The following GPHN variants were observed in gnomAD, a reference collection of about 807,000 sequenced individuals.
GPHN encodes the protein gephyrin.
Under a neutral mutation model 95.5 loss-of-function variants are expected in GPHN, and 17 were observed. That is an observed-to-expected ratio of 0.18 (90% confidence interval 0.12 to 0.27). The LOEUF (loss-of-function observed/expected upper bound fraction) is 0.27, where lower values mean the gene tolerates loss of function less well. GPHN is among the 10% of genes least tolerant of loss of function. The probability of loss-of-function intolerance (pLI) is 1.00; values close to 1 mark genes in which losing one functional copy is unlikely to be tolerated. For synonymous variants in GPHN, 320 were observed against 322.5 expected, an observed-to-expected ratio of 0.99 and a Z score of 0.08; for missense variants, 660 against 978.1, an observed-to-expected ratio of 0.67 and a Z score of 4.34.
In GPHN at chr14:66,927,437, G is replaced by GT. The variant is rs1293874305; in HGVS notation, c.828+3151dup. Among the ~76,000 whole-genome samples, 14 of 151,950 alleles carry GT rather than the reference G, an allele frequency of 9.2e-5. No individual in the cohort carries two copies. The South Asian group carries it at 1.0e-3, about 11-fold the overall frequency. ...CTGAATTTGCTTATTAGTTCTAATG[G>GT]TTTTTTGTTGGAGTCTTAGGTTTTT... On this transcript the variant is annotated intron_variant, in intron 8 of 22. Coordinates refer to ENST00000478722, the MANE Select transcript of GPHN (RefSeq NM_020806.5).
chr14:66,753,573 AAAC>A lies in GPHN; in HGVS notation c.144-22888_144-22886del, dbSNP rs2058450519. 2.0e-5 allele frequency among the ~76,000 whole-genome samples: 3 copies of A among 152,226 alleles called. No homozygotes were observed. The South Asian group carries it at 6.2e-4, about 32-fold the overall frequency. Reference sequence around the variant, plus strand: ...TATTTTCACACATCAATTGATGTGAAAACAAAATATAATCTACTGATCCAACAG... The same window carrying A: ...TATTTTCACACATCAATTGATGTGAAAAAATATAATCTACTGATCCAACAG... On this transcript the variant is annotated intron_variant, in intron 2 of 22. Transcript: ENST00000478722.
chr14:67,488,929 A>T, the GPHN span, among the ~76,000 whole-genome samples: 1 of 152,160 alleles, frequency 6.6e-6, no homozygotes, highest in Non-Finnish European at 1.5e-5. Flanking sequence ...ACTTAGTTGC[A>T]GGGAGGATGA....
chr14:67,526,454 A>G, the GPHN span, among the ~76,000 whole-genome samples: 37,367 of 152,216 alleles, frequency 0.25, 4,808 homozygotes, highest in Middle Eastern at 0.33. Context: ...AAAGGTATGC[A>G]TTGCTTGGTG....
At chr14:67,207,221 G>A in the GPHN span, among the ~76,000 whole-genome samples, 1 of 152,074 alleles carries the variant, frequency 6.6e-6, no homozygotes, top group Admixed American at 6.6e-5. Flanking sequence ...TGGCTCATGG[G>A]TCTGTAGGTG....
At chr14:67,011,840 A>T (rs2073032942) in intron 9 of GPHN, among the ~76,000 whole-genome samples, 1 of 152,092 alleles carries the variant, frequency 6.6e-6, no homozygotes, top group Non-Finnish European at 1.5e-5. Context: ...GATTTTATAT[A>T]TATATATGAT....
chr14:67,495,206 T>C, the GPHN span, among the ~76,000 whole-genome samples: 1 of 152,102 alleles, frequency 6.6e-6, no homozygotes, highest in Non-Finnish European at 1.5e-5. Context: ...GCACAAAAAT[T>C]CCAGCTCTGG....
the GPHN span, among the ~76,000 whole-genome samples, chr14:67,235,406 A>G: frequency 2.0e-5 from 3 of 151,908 alleles, no homozygotes; most frequent in Admixed American, 1.3e-4. Context: ...AATTACCTAC[A>G]TCCTCTCTCG....
the GPHN span, chr14:67,592,300 C>T: frequency 9.5e-6 from 4 of 421,550 alleles, no homozygotes; most frequent in African/African-American, 4.2e-5. Flanking sequence ...ATTAGCCAGG[C>T]GAGATGGTGC....
chr14:67,674,835 T>TA, the GPHN span: 1 of 185,042 alleles, frequency 5.4e-6, no homozygotes, highest in Non-Finnish European at 1.1e-5. Context: ...GAAAGGGGCC[T>TA]AGGGGACCTG....
At chr14:67,200,144 TG>T in the GPHN span, 2 of 1,133,996 alleles carry the variant, frequency 1.8e-6, no homozygotes, top group African/African-American at 1.6e-5. Context: ...TGATCTCCCA[TG>T]GGTCACCCAG....
the GPHN span, among the ~76,000 whole-genome samples, chr14:67,462,439 G>C: frequency 6.6e-6 from 1 of 152,146 alleles, no homozygotes; most frequent in Non-Finnish European, 1.5e-5. Context: ...TTGTACTACT[G>C]GGCTCAAGCA....
At chr14:66,856,078 A>G (rs1244108688) in intron 4 of GPHN, among the ~76,000 whole-genome samples, 1 of 152,172 alleles carries the variant, frequency 6.6e-6, no homozygotes, top group Non-Finnish European at 1.5e-5. Flanking sequence ...GTGGGCCTTC[A>G]TCAAACAGTA....
chr14:67,252,801 T>G, the GPHN span, among the ~76,000 whole-genome samples: 1 of 152,242 alleles, frequency 6.6e-6, no homozygotes, highest in South Asian at 2.1e-4. Flanking sequence ...AACTTTAGCC[T>G]TGCTGTGAGC....
intron 9 of GPHN, chr14:66,985,808 G>T (rs948675666): frequency 2.4e-6 from 2 of 821,500 alleles, no homozygotes; most frequent in Non-Finnish European, 3.8e-6. Context: ...TTTGGAGGGT[G>T]GTGGGAGGAA....
the GPHN span, among the ~76,000 whole-genome samples, chr14:67,319,261 T>C: frequency 6.6e-6 from 1 of 152,146 alleles, no homozygotes; most frequent in Non-Finnish European, 1.5e-5. Context: ...CATCTGATGC[T>C]CCTTCACAGT....
At chr14:67,144,286 T>TATATACAC (rs1421893686) in intron 18 of GPHN, among the ~76,000 whole-genome samples, 3 of 78,122 alleles carry the variant, frequency 3.8e-5, no homozygotes, top group African/African-American at 1.3e-4. Flanking sequence ...TATATATATA[T>TATATACAC]ACACACACAC....
At chr14:67,490,752 G>A in the GPHN span, among the ~76,000 whole-genome samples, 75 of 152,202 alleles carry the variant, frequency 4.9e-4, no homozygotes, top group African/African-American at 1.7e-3. Flanking sequence ...AAAGCATGCA[G>A]GCAAATACTA....
the GPHN span, among the ~76,000 whole-genome samples, chr14:67,451,727 C>T: frequency 6.6e-6 from 1 of 152,184 alleles, no homozygotes; most frequent in Non-Finnish European, 1.5e-5. Flanking sequence ...ATAGAAGGGG[C>T]TTGCCTTGTC....
rs754046367 is a variant in GPHN at position 67,165,190 on chromosome 14, A to G, written c.1939A>G (p.Ile647Val). ...GCCAACAACATTTGCAACTTTGGAT[A>G]TTGATGGTGTAAGAAAAATAATCTT... is the stretch of plus-strand genomic sequence containing the variant. ...GLPTTFATLD[I>V]DGVRKIIFAL... is the part of the protein sequence containing the mutation. Residue 647 changes from isoleucine to valine, a missense_variant, in exon 20 of 23, where the codon ATT becomes GTT. By Grantham distance (29) the Ile-to-Val change is conservative. Transcript: ENST00000478722. The G allele has an allele frequency of 6.2e-7, 1 of 1,610,010 alleles. No individual in the cohort carries two copies. Among genetic ancestry groups the G allele is most frequent in the Non-Finnish European group, 8.5e-7 (1 of 1,176,328 alleles).
Sources: gnomAD v4.1 joint callset for allele counts (sites outside exome capture counted in the v4.1 genomes callset) on GRCh38, gnomAD v4.1.1 for gene constraint, MANE v1.5 for transcripts, NCBI Gene and HGNC (gene_info 2026-07-23, HGNC 2026-07-21) for gene names.